WDFY3: variants seen among roughly 807,000 people sequenced by gnomAD.
WDFY3 encodes WD repeat and FYVE domain containing 3.
In WDFY3, 66 loss-of-function variants were observed where a neutral mutation model predicts 409.6. That is an observed-to-expected ratio of 0.16 (90% CI 0.13 to 0.20). The LOEUF (loss-of-function observed/expected upper bound fraction) is 0.20, where lower values mean the gene tolerates loss of function less well. Among genes scored for constraint, WDFY3 ranks in the 10% least tolerant of loss-of-function variants. WDFY3 has a pLI of 1.00. For missense variants in WDFY3, 3,031 were observed against 4,298.1 expected (o/e 0.71, Z 8.24); for synonymous variants, 1,521 against 1,537.1 (o/e 0.99, Z 0.25).
At chr4:84,937,416 T>C (rs1771565891) in intron 1 of WDFY3, among the ~76,000 whole-genome samples, 1 of 152,152 alleles carries the variant, frequency 6.6e-6, no homozygotes, top group South Asian at 2.1e-4. Flanking sequence ...CCTTCTTCTC[T>C]AACCCACTGG....
At chr4:84,947,651 G>A (rs949343023) in intron 1 of WDFY3, among the ~76,000 whole-genome samples, 6 of 147,216 alleles carry the variant, frequency 4.1e-5, no homozygotes, top group East Asian at 2.0e-4. Flanking sequence ...AGTCAAGATC[G>A]CTTGAGTCCA....
intron 45 of WDFY3, 133 bp from the exon 46 acceptor site, chr4:84,724,727 A>AGTCTAT: frequency 7.1e-6 from 6 of 846,232 alleles, no homozygotes; most frequent in Non-Finnish European, 9.8e-6. Context: ...ATGTATATAC[A>AGTCTAT]GTAAATCCAC....
intron 1 of WDFY3, among the ~76,000 whole-genome samples, chr4:84,953,003 T>C (rs1250914965): frequency 1.3e-5 from 2 of 152,122 alleles, no homozygotes; most frequent in Non-Finnish European, 2.9e-5. Flanking sequence ...GCATTATTCA[T>C]TATGGCCAAA....
At chr4:84,674,916 G>A (rs1366135540) in intron 67 of WDFY3, among the ~76,000 whole-genome samples, 2 of 151,662 alleles carry the variant, frequency 1.3e-5, no homozygotes, top group African/African-American at 2.4e-5. Context: ...ATGTCTAGCG[G>A]CTCTGTGCTT....
At chr4:84,828,888 C>T (rs1389905985) in intron 9 of WDFY3, 116 bp downstream of exon 9, 3 of 1,053,636 alleles carry the variant, frequency 2.8e-6, no homozygotes, top group Non-Finnish European at 2.6e-6. Flanking sequence ...GCCAGGTATA[C>T]ATTAAATAAG....
intron 1 of WDFY3, among the ~76,000 whole-genome samples, chr4:84,945,930 A>C (rs1015295380): frequency 6.6e-6 from 1 of 152,116 alleles, no homozygotes; most frequent in African/African-American, 2.4e-5. Context: ...ACAAGCAAAA[A>C]TGGAGGCTAT....
At chr4:84,749,524 T>C (rs553241052) in intron 36 of WDFY3, among the ~76,000 whole-genome samples, 2 of 152,310 alleles carry the variant, frequency 1.3e-5, no homozygotes, top group South Asian at 2.1e-4. Flanking sequence ...AGTGAAACAA[T>C]GTACAGCAGG....
chr4:84,934,877 T>C (rs541730159), intron 1 of WDFY3, among the ~76,000 whole-genome samples: 7 of 152,236 alleles, frequency 4.6e-5, no homozygotes, highest in Non-Finnish European at 8.8e-5. Flanking sequence ...ACTTTGCTTT[T>C]TAAACAGTAT....
chr4:84,758,114 CAT>C (rs1305619494), intron 32 of WDFY3, among the ~76,000 whole-genome samples: 1 of 152,188 alleles, frequency 6.6e-6, no homozygotes, highest in Non-Finnish European at 1.5e-5. Context: ...TGGTTCACCT[CAT>C]ACCTAGGGAA....
intron 5 of WDFY3, among the ~76,000 whole-genome samples, chr4:84,848,766 C>T (rs755207071): frequency 4.3e-4 from 66 of 152,252 alleles, no homozygotes; most frequent in Middle Eastern, 6.8e-3. Flanking sequence ...ACGTAAACCA[C>T]AGCTGTGTAT....
At chr4:84,854,585 C>G (rs1759486687) in intron 4 of WDFY3, among the ~76,000 whole-genome samples, 1 of 152,128 alleles carries the variant, frequency 6.6e-6, no homozygotes, top group Non-Finnish European at 1.5e-5. Context: ...CTACTTCTCA[C>G]TCTCAGGGAG....
In WDFY3 at chr4:84,927,107, A is replaced by G. The variant is rs540289748; in HGVS notation, c.-132+5163T>C. On this transcript the variant is annotated intron_variant, in intron 2 of 67. Transcript: ENST00000295888. ...CAATGAGGTGTTTGTTTACTATTAAATGTATTCTATTTACAGTAATTCACA... is the reference window on the plus strand; with the variant it reads ...CAATGAGGTGTTTGTTTACTATTAAGTGTATTCTATTTACAGTAATTCACA... Among the ~76,000 whole-genome samples the G allele has an allele frequency of 3.9e-5, 6 of 152,318 alleles. No individual in the cohort carries two copies. In the South Asian group the frequency reaches 8.3e-4, roughly 21 times the overall value.
Position 84,909,672 on chromosome 4 carries a change from T to G in WDFY3, c.-131-12662A>C, listed in dbSNP as rs530933735. Among the ~76,000 whole-genome samples the G allele has an allele frequency of 1.3e-3, 196 of 152,188 alleles. 1 individual carries two copies. In the South Asian group the frequency reaches 0.021, roughly 16 times the overall value. ...TTTTATGAAATCTCAAGATTTTCAG[T>G]AAGTAGATAGCTTCTGGAACTAAAA... On this transcript the variant is annotated intron_variant, in intron 2 of 67. Transcript: ENST00000295888.
At chr4:84,839,156 T>C (rs1756989946) in intron 6 of WDFY3, among the ~76,000 whole-genome samples, 1 of 152,224 alleles carries the variant, frequency 6.6e-6, no homozygotes, top group Non-Finnish European at 1.5e-5. Flanking sequence ...ACTTGTAATT[T>C]TTTAAGTGAT....
rs1015528611 is a variant in WDFY3 at position 84,684,123 on chromosome 4, C to T, written c.9546G>A (p.Gly3182=). The part of the protein sequence containing the change: ...VSALCINELT[G]DIVSCAGTYI... Reference sequence around the variant, plus strand: ...ATGTGCCAGCGCAGGACACAATGTCCCCCTGAGAAGAGAGAGAAAAACGTC... The same window carrying T: ...ATGTGCCAGCGCAGGACACAATGTCTCCCTGAGAAGAGAGAGAAAAACGTC... The change falls in exon 63 of 68, where the codon GGG becomes GGA. Residue 3182 remains glycine (G), a splice_region_variant and synonymous_variant. Transcript: ENST00000295888. 16 of 1,560,576 alleles carry T rather than the reference C, an allele frequency of 1.0e-5. No homozygotes were observed. Among genetic ancestry groups the T allele is most frequent in the Non-Finnish European group, 1.4e-5 (16 of 1,142,332 alleles).
At chr4:84,896,156 T>C (rs1446410945) in intron 3 of WDFY3, among the ~76,000 whole-genome samples, 2 of 151,980 alleles carry the variant, frequency 1.3e-5, no homozygotes, top group African/African-American at 4.8e-5. Context: ...CTCAGGAGGC[T>C]GAGGCAGGAG....
At chr4:84,931,730 C>G (rs951109160) in intron 2 of WDFY3, among the ~76,000 whole-genome samples, 3 of 152,108 alleles carry the variant, frequency 2.0e-5, no homozygotes, top group African/African-American at 7.2e-5. Context: ...CTCTCTAAAG[C>G]TGAAGAACAT....
At position 84,684,076 on chromosome 4, in the gene WDFY3, T is replaced by C. The variant is rs200425133; in HGVS notation, c.9593A>G (p.Asn3198Ser). ...AGTYIHVWSI[N>S]GNPIVSVNTF... is the part of the protein sequence containing the mutation. ...GTTGACACTCACGATAGGGTTCCCA[T>C]TGATGCTCCACACATGGATATATGT... is the stretch of plus-strand genomic sequence containing the variant. The change falls in exon 63 of 68, where the codon AAT (asparagine) becomes AGT (serine). Residue 3198 changes from asparagine (N) to serine (S), a missense_variant. Asn to Ser is a conservative substitution (Grantham distance 46). Transcript: ENST00000295888. 2.6e-5 allele frequency: 42 copies of C among 1,611,912 alleles called. No homozygotes were observed. Among genetic ancestry groups the C allele is most frequent in the African/African-American group, 5.3e-5 (4 of 74,886 alleles).
intron 3 of WDFY3, among the ~76,000 whole-genome samples, chr4:84,864,600 T>C (rs1424889919): frequency 1.3e-5 from 2 of 152,146 alleles, no homozygotes; most frequent in African/African-American, 4.8e-5. Context: ...TTTCTACGAA[T>C]TGCAGTCTTT....
Sources: gnomAD v4.1 joint callset for allele counts (sites outside exome capture counted in the v4.1 genomes callset) on GRCh38, gnomAD v4.1.1 for gene constraint, MANE v1.5 for transcripts, NCBI Gene and HGNC (gene_info 2026-07-23, HGNC 2026-07-21) for gene names.